The following CBFA2T2 variants were observed in gnomAD, a reference collection of about 807,000 sequenced individuals.
CBFA2T2 encodes CBFA2/RUNX1 partner transcriptional co-repressor 2.
Under a neutral mutation model 62.2 loss-of-function variants are expected in CBFA2T2, and 11 were observed. The observed-to-expected ratio is 0.18, with a 90% CI of 0.11 to 0.29. The LOEUF is 0.29. CBFA2T2 is among the 10% of genes least tolerant of loss of function. The pLI, the probability that CBFA2T2 is intolerant of heterozygous loss-of-function variation, is 1.00. For missense variants in CBFA2T2, 592 were observed against 774.1 expected (o/e 0.76, Z 2.79); for synonymous variants, 295 against 287.5 (o/e 1.03, Z -0.27).
At chr20:33,631,979 G>A (rs1164101448) in intron 8 of CBFA2T2, among the ~76,000 whole-genome samples, 1 of 152,196 alleles carries the variant, frequency 6.6e-6, no homozygotes, top group African/African-American at 2.4e-5. Flanking sequence ...TACATGAGGA[G>A]CTTGGGCACG....
At chr20:33,619,674 G>T in intron 4 of CBFA2T2, 68 bp downstream of exon 4, 4 of 1,192,512 alleles carry the variant, frequency 3.4e-6, no homozygotes, top group Non-Finnish European at 4.8e-6. Flanking sequence ...TCCCTGTTAC[G>T]TGATTTAAAT....
intron 1 of CBFA2T2, among the ~76,000 whole-genome samples, chr20:33,579,073 A>G (rs1415481450): frequency 6.6e-6 from 1 of 150,902 alleles, no homozygotes; most frequent in Admixed American, 6.6e-5. Context: ...TAAGTGTTCA[A>G]CCCAATGAGT....
Position 33,577,638 on chromosome 20 carries a change from G to A in CBFA2T2, c.35-29318G>A, listed in dbSNP as rs188361233. ...ATCAATGTGTTTTATTAAATTCTTGGTCACAATGTGCAAACTTCATTGAGT... is the reference window on the plus strand; with the variant it reads ...ATCAATGTGTTTTATTAAATTCTTGATCACAATGTGCAAACTTCATTGAGT... On this transcript the variant is annotated intron_variant, in intron 1 of 10. Transcript: ENST00000342704. Among the ~76,000 whole-genome samples the A allele has an allele frequency of 5.3e-5, 8 of 152,226 alleles. No homozygotes were observed. The East Asian group carries it at 1.3e-3, about 26-fold the overall frequency.
At chr20:33,494,661 C>T (rs897598191) in intron 1 of CBFA2T2, among the ~76,000 whole-genome samples, 4 of 151,780 alleles carry the variant, frequency 2.6e-5, no homozygotes, top group East Asian at 2.0e-4. Flanking sequence ...AGTGCAATGG[C>T]GATCTTGGCT....
chr20:33,608,856 C>G (rs1234434206), intron 2 of CBFA2T2, among the ~76,000 whole-genome samples: 1 of 152,128 alleles, frequency 6.6e-6, no homozygotes, highest in African/African-American at 2.4e-5. Context: ...TTGGTTCCTT[C>G]AAAATGGAGC....
At chr20:33,547,504 A>G (rs1031380105) in intron 1 of CBFA2T2, among the ~76,000 whole-genome samples, 3 of 151,992 alleles carry the variant, frequency 2.0e-5, no homozygotes, top group African/African-American at 7.3e-5. Context: ...GGAGTTTGAG[A>G]CCCCATCTCT....
chr20:33,524,016 G>A (rs1462397550), intron 1 of CBFA2T2, among the ~76,000 whole-genome samples: 2 of 151,876 alleles, frequency 1.3e-5, no homozygotes, highest in African/African-American at 2.4e-5. Context: ...GTTTTTAATG[G>A]TTATCACTTG....
chr20:33,539,897 T>C (rs2012366605), intron 1 of CBFA2T2, among the ~76,000 whole-genome samples: 1 of 152,000 alleles, frequency 6.6e-6, no homozygotes, highest in Admixed American at 6.6e-5. Context: ...GCAGTCTTGC[T>C]ATATTGGCTG....
chr20:33,601,040 G>T (rs2122270663), intron 1 of CBFA2T2, among the ~76,000 whole-genome samples: 1 of 151,392 alleles, frequency 6.6e-6, no homozygotes, highest in African/African-American at 2.4e-5. Flanking sequence ...AAAAAAAAAG[G>T]AACATTATAA....
intron 1 of CBFA2T2, among the ~76,000 whole-genome samples, chr20:33,556,018 A>C (rs1281969480): frequency 6.6e-6 from 1 of 152,228 alleles, no homozygotes; most frequent in Non-Finnish European, 1.5e-5. Flanking sequence ...GGCACATGCC[A>C]TTATGCCTGG....
In CBFA2T2 at chr20:33,629,855, C is replaced by T. The variant is rs1568865269; in HGVS notation, c.1169C>T (p.Thr390Met). Reference sequence around the variant, plus strand: ...AATGAAAACACAGAGCTGAGGAAAACGGGGACCGAGTTGGTCTCCAGGCAG... The same window carrying T: ...AATGAAAACACAGAGCTGAGGAAAATGGGGACCGAGTTGGTCTCCAGGCAG... Reference protein sequence around the residue: ...RYNENTELRKTGTELVSRQHS... With the variant: ...RYNENTELRKMGTELVSRQHS... The change falls in exon 8 of 11, where the codon ACG becomes ATG. Residue 390 changes from threonine (T) to methionine (M), a missense_variant. Physicochemically the swap from Thr to Met is moderately conservative, Grantham distance 81. This residue lies in a region of CBFA2T2 where 449 missense variants were observed against 551.2 expected (regional missense o/e 0.81). Transcript: ENST00000342704. 6.2e-6 allele frequency: 10 copies of T among 1,614,100 alleles called. No homozygotes were observed. The highest frequency in any genetic ancestry group is 2.2e-5 in the East Asian group (1 of 44,878).
At chr20:33,547,941 G>C (rs916591787) in intron 1 of CBFA2T2, among the ~76,000 whole-genome samples, 3 of 151,804 alleles carry the variant, frequency 2.0e-5, no homozygotes, top group Admixed American at 6.6e-5. Context: ...TTTTTGTTTT[G>C]TTTTCTTTTC....
chr20:33,537,025 C>T (rs2012270795), intron 1 of CBFA2T2, among the ~76,000 whole-genome samples: 1 of 151,758 alleles, frequency 6.6e-6, no homozygotes. Flanking sequence ...GGCAGAGGGG[C>T]TCCTCACGTC....
chr20:33,580,825 G>T (rs953344662), intron 1 of CBFA2T2, among the ~76,000 whole-genome samples: 2 of 152,130 alleles, frequency 1.3e-5, no homozygotes, highest in African/African-American at 4.8e-5. Context: ...CTGTATTCCA[G>T]CCTGGGTAAT....
Position 33,592,741 on chromosome 20 carries a change from A to G in CBFA2T2, c.35-14215A>G, listed in dbSNP as rs373040777. On this transcript the variant is annotated intron_variant, in intron 1 of 10. Coordinates refer to ENST00000342704, the MANE Select transcript of CBFA2T2 (RefSeq NM_001032999.3). The stretch of plus-strand genomic sequence containing the variant: ...ACATTACTTGACACTAGGGAGACTA[A>G]GTAAGTATGAAGATGGAGTTATATG... 7.2e-5 allele frequency among the ~76,000 whole-genome samples: 11 copies of G among 151,970 alleles called. No homozygotes were observed. In the East Asian group the frequency reaches 1.7e-3, roughly 24 times the overall value.
chr20:33,558,132 CTCTCTT>C (rs2012965412), intron 1 of CBFA2T2, among the ~76,000 whole-genome samples: 1 of 150,182 alleles, frequency 6.7e-6, no homozygotes, highest in African/African-American at 2.5e-5. Flanking sequence ...TGGGCGCGCT[CTCTCTT>C]TTTTTTTTTT....
chr20:33,634,280 A>G (rs541599848), intron 8 of CBFA2T2, among the ~76,000 whole-genome samples: 4 of 152,176 alleles, frequency 2.6e-5, no homozygotes, highest in Non-Finnish European at 5.9e-5. Context: ...TTTTTAAACA[A>G]AGAAAAAGAA....
intron 1 of CBFA2T2, among the ~76,000 whole-genome samples, chr20:33,564,556 T>A (rs1011488860): frequency 2.0e-5 from 3 of 151,540 alleles, no homozygotes; most frequent in Admixed American, 1.3e-4. Context: ...CGCCTGGCCC[T>A]CTTTTTTTCT....
chr20:33,575,116 T>C (rs370875293), intron 1 of CBFA2T2, among the ~76,000 whole-genome samples: 2 of 152,330 alleles, frequency 1.3e-5, no homozygotes, highest in East Asian at 3.9e-4. Context: ...TAGCAAACCA[T>C]ATGGTTGTTT....
Sources: gnomAD v4.1 joint callset for allele counts (sites outside exome capture counted in the v4.1 genomes callset) on GRCh38, gnomAD v4.1.1 for gene constraint, gnomAD v4.1.1 regional missense constraint, MANE v1.5 for transcripts, NCBI Gene and HGNC (gene_info 2026-07-23, HGNC 2026-07-21) for gene names.